The following ATM variants were observed in gnomAD, a reference collection of about 807,000 sequenced individuals.
ATM encodes the protein serine-protein kinase ATM.
A neutral mutation model predicts 387.0 loss-of-function variants in ATM; 308 were observed. That is an observed-to-expected ratio of 0.80 (90% CI 0.73 to 0.87). ATM has a LOEUF of 0.87. Ranked by LOEUF, ATM falls within the 40% of genes least tolerant of loss-of-function variation. The pLI is 0.00. For missense variants in ATM, 3,312 were observed against 3,560.9 expected (o/e 0.93, Z 1.78); for synonymous variants, 1,156 against 1,187.3 (o/e 0.97, Z 0.54).
intron 22 of ATM, 135 bp from the exon 23 acceptor site, chr11:108,279,355 CT>C: frequency 1.4e-6 from 1 of 702,290 alleles, no homozygotes; most frequent in East Asian, 2.7e-5. Flanking sequence ...TTTTGTTAGT[CT>C]TTAAGAAAGA....
intron 5 of ATM, among the ~76,000 whole-genome samples, chr11:108,238,717 G>A (rs2079418661): frequency 6.6e-6 from 1 of 151,876 alleles, no homozygotes; most frequent in Non-Finnish European, 1.5e-5. Flanking sequence ...TCTTCTGTAA[G>A]CAGTAATTTT....
intron 16 of ATM, among the ~76,000 whole-genome samples, chr11:108,259,820 CG>C (rs1565401362): frequency 6.6e-6 from 1 of 152,056 alleles, no homozygotes; most frequent in Non-Finnish European, 1.5e-5. Context: ...GGAACACTGC[CG>C]GGCATACAAA....
chr11:108,225,033 A>T (rs936435054), intron 1 of ATM: 1 of 152,220 alleles, frequency 6.6e-6, no homozygotes, highest in Non-Finnish European at 1.5e-5. Context: ...AAACAAGTTC[A>T]AGGAAGTCAC....
chr11:108,232,558 G>A (rs1292783288), intron 4 of ATM, among the ~76,000 whole-genome samples: 31 of 38,046 alleles, frequency 8.1e-4, no homozygotes, highest in African/African-American at 2.6e-3. Flanking sequence ...TTTTTTTTTT[G>A]AGACAGAGTC....
chr11:108,330,464 A>C (rs772218811), intron 50 of ATM, 43 bp downstream of exon 50: 32 of 1,593,380 alleles, frequency 2.0e-5, no homozygotes, highest in Non-Finnish European at 2.6e-5. Flanking sequence ...TGCTTGAAAA[A>C]CTTAGACATA....
chr11:108,261,052 G>C (rs1211154719), intron 16 of ATM, among the ~76,000 whole-genome samples: 1 of 151,842 alleles, frequency 6.6e-6, no homozygotes, highest in Non-Finnish European at 1.5e-5. Context: ...GCGGCAGCGA[G>C]GCTGGGGGAG....
rs55742959 is a variant in ATM at position 108,256,589 on chromosome 11, T to C, written c.2250+249T>C. Among the ~76,000 whole-genome samples the C allele has an allele frequency of 1.4e-4, 21 of 152,316 alleles. No homozygotes were observed. In the East Asian group the frequency reaches 4.1e-3, roughly 29 times the overall value. ...AGCATGCAGGTTTGTTACATAGATA[T>C]ACAGTGCCATGGTGGTTTGCTGCAC... On this transcript the variant is annotated intron_variant, in intron 14 of 62. Transcript: ENST00000675843.
intron 61 of ATM, among the ~76,000 whole-genome samples, chr11:108,362,485 A>G (rs2090884821): frequency 6.6e-6 from 1 of 150,704 alleles, no homozygotes. Context: ...TGCTGCTATA[A>G]AGACACATGC....
intron 26 of ATM, 50 bp from the exon 27 acceptor site, chr11:108,287,550 C>G: frequency 8.2e-7 from 1 of 1,226,032 alleles, no homozygotes; most frequent in Non-Finnish European, 1.2e-6. Context: ...GCTGTCTTGA[C>G]GTTCACAGAT....
chr11:108,352,961 G>C (rs1429263339), intron 59 of ATM, among the ~76,000 whole-genome samples: 1 of 152,124 alleles, frequency 6.6e-6, no homozygotes, highest in Non-Finnish European at 1.5e-5. Context: ...AATAGGTGCA[G>C]CCGTAAAGGG....
chr11:108,291,809 G>A lies in ATM; in HGVS notation c.4437-810G>A, dbSNP rs1354889524. Among the ~76,000 whole-genome samples the A allele has an allele frequency of 1.3e-4, 20 of 152,168 alleles. 1 individual carries two copies. The highest frequency in any genetic ancestry group is 1.2e-3 in the Admixed American group (19 of 15,282). The stretch of plus-strand genomic sequence containing the variant: ...ACTTAGCCATGCTTGCATTGCTTGG[G>A]ATCAGCCCCAAATACAAGCTTAGGG... On this transcript the variant is annotated intron_variant, in intron 29 of 62. Transcript: ENST00000675843.
rs1064794485 is a variant in ATM, at chr11:108,325,382, T to G, written c.6645T>G (p.Ser2215Arg). ...AACACTCCCAGCTTCTCAAGGACAG[T>G]GATTTTAGTTTTCAGGAGCCTATCA... ...WQKHSQLLKD[S>R]DFSFQEPIMA... The change falls in exon 46 of 63, where the codon AGT (serine) becomes AGG (arginine). Residue 2215 changes from serine (S) to arginine (R), a missense_variant. Around this residue, in one of 4 missense-constraint regions of ATM, gnomAD observed 1,405 missense variants for 1,604.4 expected, o/e 0.88. Coordinates refer to ENST00000675843, the MANE Select transcript of ATM (RefSeq NM_000051.4). 4.3e-6 allele frequency: 7 copies of G among 1,613,534 alleles called. No homozygotes were observed. Among genetic ancestry groups the G allele is most frequent in the Non-Finnish European group, 5.9e-6 (7 of 1,179,858 alleles).
chr11:108,247,212 G>A, intron 8 of ATM, 85 bp downstream of exon 8: 2 of 1,358,808 alleles, frequency 1.5e-6, no homozygotes, highest in Non-Finnish European at 2.1e-6. Context: ...TAAAACCTGT[G>A]TTCTCACAAA....
At position 108,250,906 on chromosome 11, in the gene ATM, T is replaced by G. The variant is rs775080283; in HGVS notation, c.1441T>G (p.Leu481Val). Residue 481 changes from leucine to valine, a missense_variant, in exon 10 of 63, where the codon TTA (leucine) becomes GTA (valine). Transcript: ENST00000675843. ...NLESSQKSDL[L>V]KLWNKIWCIT... is the part of the protein sequence containing the mutation. ...AGAAAGCTCACAAAAGTCAGATTTA[T>G]TAAAACTCTGGAATAAAATTTGGTG... The G allele has an allele frequency of 6.2e-7, 1 of 1,614,068 alleles. No individual in the cohort carries two copies. Among genetic ancestry groups the G allele is most frequent in the African/African-American group, 1.3e-5 (1 of 74,918 alleles).
intron 44 of ATM, 93 bp from the exon 45 acceptor site, chr11:108,321,208 T>G (rs2085180476): frequency 6.6e-7 from 1 of 1,523,962 alleles, no homozygotes; most frequent in Non-Finnish European, 9.0e-7. Flanking sequence ...TAGCAAAGCC[T>G]ATGATGAGAA....
At chr11:108,261,419 G>C (rs1174487728) in intron 16 of ATM, among the ~76,000 whole-genome samples, 1 of 152,106 alleles carries the variant, frequency 6.6e-6, no homozygotes, top group Admixed American at 6.6e-5. Flanking sequence ...TGCAGCTGAG[G>C]GTTTTGTCTG....
chr11:108,350,988 GC>G (rs1366603933), intron 59 of ATM, among the ~76,000 whole-genome samples: 3 of 152,094 alleles, frequency 2.0e-5, no homozygotes, highest in African/African-American at 7.2e-5. Context: ...ATTCATAATA[GC>G]CCCTAACTGG....
intron 47 of ATM, 36 bp from the exon 48 acceptor site, chr11:108,327,609 T>C (rs1203565687): frequency 6.6e-7 from 1 of 1,511,650 alleles, no homozygotes; most frequent in East Asian, 2.3e-5. Context: ...GTCATGGTAA[T>C]GCATTATATT....
chr11:108,289,919 G>A (rs1022745180), intron 29 of ATM, 118 bp downstream of exon 29: 8 of 932,126 alleles, frequency 8.6e-6, no homozygotes, highest in Non-Finnish European at 1.3e-5. Context: ...CAGGCTGGGT[G>A]CAGTCACGGC....
Sources: allele counts gnomAD v4.1 joint callset (sites outside exome capture counted in the v4.1 genomes callset), GRCh38; gene constraint gnomAD v4.1.1; regional missense constraint gnomAD v4.1.1; transcripts MANE v1.5; gene names NCBI Gene and HGNC (gene_info 2026-07-23, HGNC 2026-07-21).